PCDH7: variants seen among roughly 807,000 people sequenced by gnomAD.
PCDH7 encodes protocadherin-7.
Under a neutral mutation model 58.9 loss-of-function variants are expected in PCDH7, and 17 were observed. That is an observed-to-expected ratio of 0.29 (90% CI 0.20 to 0.43). The LOEUF is 0.43. Among genes scored for constraint, PCDH7 ranks in the 20% least tolerant of loss-of-function variants. The pLI, the probability that PCDH7 is intolerant of heterozygous loss-of-function variation, is 1.00. For missense variants in PCDH7, 1,274 were observed against 1,441.0 expected (o/e 0.88, Z 1.88); for synonymous variants, 664 against 616.4 (o/e 1.08, Z -1.14).
At chr4:31,003,541 C>G (rs1008522261) in intron 3 of PCDH7, among the ~76,000 whole-genome samples, 2 of 151,984 alleles carry the variant, frequency 1.3e-5, no homozygotes, top group Non-Finnish European at 2.9e-5. Flanking sequence ...CTCAGTATCC[C>G]TTATCTGAAA....
At chr4:30,791,450 T>A (rs1031006859) in intron 1 of PCDH7, among the ~76,000 whole-genome samples, 2 of 152,182 alleles carry the variant, frequency 1.3e-5, no homozygotes, top group African/African-American at 4.8e-5. Context: ...AAGAATTCAA[T>A]AAATGCCAGC....
At chr4:30,908,243 T>A (rs374279395) in intron 1 of PCDH7, among the ~76,000 whole-genome samples, 205 of 140,790 alleles carry the variant, frequency 1.5e-3, no homozygotes, top group African/African-American at 1.8e-3. Context: ...TAAAGAATAA[T>A]AAAAAAAAAA....
intron 3 of PCDH7, among the ~76,000 whole-genome samples, chr4:31,093,220 A>C (rs73218826): frequency 0.1 from 15,869 of 152,180 alleles, 1,067 homozygotes; most frequent in South Asian, 0.18. Flanking sequence ...CTAAAATAAG[A>C]GCTGTATGAC....
intron 3 of PCDH7, among the ~76,000 whole-genome samples, chr4:30,993,529 C>T (rs1241031396): frequency 2.0e-5 from 3 of 151,968 alleles, no homozygotes; most frequent in Non-Finnish European, 4.4e-5. Flanking sequence ...TAGGGAAAAC[C>T]CATTCCTAAT....
intron 3 of PCDH7, among the ~76,000 whole-genome samples, chr4:31,039,966 G>A (rs6816845): frequency 0.027 from 4,039 of 152,218 alleles, 181 homozygotes; most frequent in African/African-American, 0.091. Context: ...GGTTATGTGC[G>A]TAGATACAAA....
Position 31,134,145 on chromosome 4 carries a change from T to C in PCDH7, c.*8-8328T>C, listed in dbSNP as rs138237648. ...CTTGCAGTGATATTGGTCAGTCTATTATCCATGATGAGGAGATATAAAAGA... is the reference window on the plus strand; with the variant it reads ...CTTGCAGTGATATTGGTCAGTCTATCATCCATGATGAGGAGATATAAAAGA... On this transcript the variant is annotated intron_variant, in intron 3 of 3. Coordinates refer to the PCDH7 transcript ENST00000509759. Among the ~76,000 whole-genome samples the C allele has an allele frequency of 1.2e-3, 178 of 152,234 alleles. 1 individual carries two copies. The highest frequency in any genetic ancestry group is 4.1e-3 in the African/African-American group (170 of 41,550).
intron 2 of PCDH7, among the ~76,000 whole-genome samples, chr4:30,944,170 G>T (rs1460707798): frequency 6.6e-6 from 1 of 151,976 alleles, no homozygotes; most frequent in East Asian, 1.9e-4. Flanking sequence ...TTTTCCTGAG[G>T]CTACATGCTC....
chr4:30,843,061 C>CTTT (rs368453238), intron 1 of PCDH7, among the ~76,000 whole-genome samples: 3 of 137,140 alleles, frequency 2.2e-5, no homozygotes, highest in Admixed American at 7.3e-5. Flanking sequence ...AAACAAATGA[C>CTTT]TTTTTTTTTT....
At position 30,722,649 on chromosome 4, in the gene PCDH7, C is replaced by T. The variant is rs372895036; in HGVS notation, c.1227C>T (p.Asn409=). 47 of 1,613,394 alleles carry T rather than the reference C, an allele frequency of 2.9e-5. No homozygotes were observed. The highest frequency in any genetic ancestry group is 3.6e-5 in the Non-Finnish European group (43 of 1,180,042). The change falls in exon 1 of 2, where the codon AAC becomes AAT. Residue 409 remains asparagine, a synonymous_variant. Coordinates refer to ENST00000361762, the Ensembl canonical transcript of PCDH7. This position sits in a 1 kb window ranked among gnomAD's most constrained non-coding sequence, Gnocchi z 7.6. ...TGGTCCTTAACATCAAAGACGAGAACGACAACGTGCCGTCCATTGAAATCC... is the reference window on the plus strand; with the variant it reads ...TGGTCCTTAACATCAAAGACGAGAATGACAACGTGCCGTCCATTGAAATCC...
At chr4:31,100,053 C>A (rs1177231230) in intron 3 of PCDH7, among the ~76,000 whole-genome samples, 1 of 152,088 alleles carries the variant, frequency 6.6e-6, no homozygotes, top group African/African-American at 2.4e-5. Flanking sequence ...GGCTCTCACT[C>A]TTTCACTTTG....
At chr4:30,829,609 T>G (rs1410273034) in intron 1 of PCDH7, among the ~76,000 whole-genome samples, 2 of 152,082 alleles carry the variant, frequency 1.3e-5, no homozygotes, top group Non-Finnish European at 2.9e-5. Flanking sequence ...CAATTGTCAG[T>G]GGTAGCTAAT....
Position 30,984,375 on chromosome 4 carries a change from G to A in PCDH7, c.*7+34160G>A, listed in dbSNP as rs1750802516. 3.3e-5 allele frequency among the ~76,000 whole-genome samples: 5 copies of A among 152,300 alleles called. No homozygotes were observed. In the South Asian group the frequency reaches 1.0e-3, roughly 32 times the overall value. On this transcript the variant is annotated intron_variant, in intron 3 of 3. Coordinates refer to the PCDH7 transcript ENST00000509759. ...TTCGACGCTTATTGTGAGAACATAT[G>A]GAAAGAGCAATGGATTAGGAAACCT...
intron 3 of PCDH7, among the ~76,000 whole-genome samples, chr4:31,109,128 A>G (rs759501558): frequency 3.3e-5 from 5 of 152,200 alleles, no homozygotes; most frequent in Non-Finnish European, 4.4e-5. Flanking sequence ...GGAGTGTAAC[A>G]ATGTTGCTTC....
At chr4:31,014,402 C>A (rs956769476) in intron 3 of PCDH7, among the ~76,000 whole-genome samples, 1 of 151,992 alleles carries the variant, frequency 6.6e-6, no homozygotes, top group African/African-American at 2.4e-5. Context: ...CTATTATAAG[C>A]AGTTTGCATG....
chr4:31,001,342 A>G (rs1318308530), intron 3 of PCDH7, among the ~76,000 whole-genome samples: 1 of 152,170 alleles, frequency 6.6e-6, no homozygotes, highest in Non-Finnish European at 1.5e-5. Context: ...AATAAATATT[A>G]GTTAAAAATT....
intron 1 of PCDH7, among the ~76,000 whole-genome samples, chr4:30,776,042 A>G (rs1722026688): frequency 6.6e-6 from 1 of 152,230 alleles, no homozygotes; most frequent in African/African-American, 2.4e-5. Flanking sequence ...TGAACTAAGG[A>G]AGAGTAACCA....
intron 1 of PCDH7, among the ~76,000 whole-genome samples, chr4:30,855,651 T>C (rs895443563): frequency 6.6e-6 from 1 of 152,186 alleles, no homozygotes; most frequent in African/African-American, 2.4e-5. Context: ...AAGAGGATGA[T>C]CTTTTGCTCT....
intron 1 of PCDH7, among the ~76,000 whole-genome samples, chr4:30,896,888 G>GTTTTTTTTT (rs1411830166): frequency 5.8e-5 from 1 of 17,368 alleles, no homozygotes; most frequent in Non-Finnish European, 1.2e-4. Context: ...CTAGTTCTTT[G>GTTTTTTTTT]CTTTTTTTTT....
At chr4:30,846,148 T>C (rs1731915788) in intron 1 of PCDH7, among the ~76,000 whole-genome samples, 1 of 152,122 alleles carries the variant, frequency 6.6e-6, no homozygotes, top group African/African-American at 2.4e-5. Context: ...GGTTTCCCAA[T>C]GTTGGCACTA....
Sources: allele counts gnomAD v4.1 joint callset (sites outside exome capture counted in the v4.1 genomes callset), GRCh38; gene constraint gnomAD v4.1.1; non-coding constraint Gnocchi (gnomAD v3.1); transcripts MANE v1.5; gene names NCBI Gene and HGNC (gene_info 2026-07-23, HGNC 2026-07-21).